C14orf93: variants seen among roughly 807,000 people sequenced by gnomAD.
C14orf93 encodes the protein uncharacterized protein C14orf93.
Under a neutral mutation model 44.0 loss-of-function variants are expected in C14orf93, and 23 were observed. That is an observed-to-expected ratio of 0.52 (90% CI 0.38 to 0.74). C14orf93 has a LOEUF of 0.74. Among genes scored for constraint, C14orf93 ranks in the 30% least tolerant of loss-of-function variants. The pLI, the probability that C14orf93 is intolerant of heterozygous loss-of-function variation, is 0.00. For missense variants in C14orf93, 579 were observed against 678.9 expected, an observed-to-expected ratio of 0.85 and a Z score of 1.64; for synonymous variants, 253 against 265.7, an observed-to-expected ratio of 0.95 and a Z score of 0.46.
rs759429838 is a variant in C14orf93, at chr14:22,987,582, C to T, written c.1250G>A (p.Arg417His). The T allele has an allele frequency of 4.3e-6, 7 of 1,612,382 alleles. No individual in the cohort carries two copies. The highest frequency in any genetic ancestry group is 1.3e-5 in the African/African-American group (1 of 74,902). The change falls in exon 7 of 7, where the codon CGT becomes CAT. Residue 417 changes from arginine to histidine, a missense_variant. Transcript: ENST00000299088. This position sits in a 1 kb window ranked among gnomAD's most constrained non-coding sequence, Gnocchi z 5.6. ...TTCCTCTGTCACATCATTCCACAGA[C>T]GTTGGTCCTCAGGTCCAAAATGCCT... Reference protein sequence around the residue: ...IMRHFGPEDQRLWNDVTEELM... With the variant: ...IMRHFGPEDQHLWNDVTEELM...
chr14:22,999,107 C>T lies in C14orf93; in HGVS notation c.-84G>A. ...GCATCAACTTCTCTGGACTCACTTTCCTTTCTCAATGAGGATGGTCAGAGG... is the reference window on the plus strand; with the variant it reads ...GCATCAACTTCTCTGGACTCACTTTTCTTTCTCAATGAGGATGGTCAGAGG... On this transcript the variant is annotated 5_prime_UTR_variant, in exon 2 of 7. Transcript: ENST00000299088. 1.3e-6 allele frequency: 2 copies of T among 1,516,142 alleles called. No homozygotes were observed. The highest frequency in any genetic ancestry group is 1.8e-6 in the Non-Finnish European group (2 of 1,138,138). 93.9% of individuals were successfully genotyped at this position (1,516,142 alleles called of 1,614,324 possible).
chr14:23,003,898 ATTTTTTTTT>A (rs1170432984), intron 1 of C14orf93, among the ~76,000 whole-genome samples: 21 of 10,362 alleles, frequency 2.0e-3, no homozygotes, highest in East Asian at 7.1e-3. Context: ...ATATATATAT[ATTTTTTTTT>A]TTTTTTTTTT....
intron 1 of C14orf93, among the ~76,000 whole-genome samples, chr14:23,009,373 A>G (rs1231596827): frequency 2.0e-5 from 3 of 152,226 alleles, no homozygotes; most frequent in Non-Finnish European, 4.4e-5. Flanking sequence ...ACATAAAACC[A>G]GATATATTTA....
intron 1 of C14orf93, chr14:23,005,999 T>C (rs1959823751): frequency 1.3e-5 from 2 of 152,230 alleles, no homozygotes; most frequent in African/African-American, 4.8e-5. Flanking sequence ...GTTTTCTCAC[T>C]ATTTAATAGA....
At position 22,998,995 on chromosome 14, in the gene C14orf93, G is replaced by T; in HGVS notation, c.29C>A (p.Ser10Tyr). 6.2e-7 allele frequency: 1 copy of T among 1,612,512 alleles called. No individual in the cohort carries two copies. Among genetic ancestry groups the T allele is most frequent in the Non-Finnish European group, 8.5e-7 (1 of 1,179,814 alleles). Reference sequence around the variant, plus strand: ...TCTGGCCTCGCTGCCACTGGGAGGGGAGAAGAGAATGGTGGCACTGAAGGA... The same window carrying T: ...TCTGGCCTCGCTGCCACTGGGAGGGTAGAAGAGAATGGTGGCACTGAAGGA... MSFSATILFSPPSGSEARCC... is the reference protein window; with the variant it reads MSFSATILFYPPSGSEARCC... The change falls in exon 2 of 7, where the codon TCC (serine) becomes TAC (tyrosine). Residue 10 changes from serine to tyrosine, a missense_variant. Physicochemically the swap from Ser to Tyr is moderately radical, Grantham distance 144. Transcript: ENST00000299088.
At position 22,998,666 on chromosome 14, in the gene C14orf93, G is replaced by A; in HGVS notation, c.358C>T (p.Pro120Ser). ...TTGAGAGGCCCAGGCTCCTCAGGTGGGGAACTATGTGCCCGGCTTTCCCCA... is the reference window on the plus strand; with the variant it reads ...TTGAGAGGCCCAGGCTCCTCAGGTGAGGAACTATGTGCCCGGCTTTCCCCA... ...EDGESRAHSS[P>S]PEEPGPLKES... The change falls in exon 2 of 7, where the codon CCA (proline) becomes TCA (serine). Residue 120 changes from proline (P) to serine (S), a missense_variant. Physicochemically the swap from Pro to Ser is moderately conservative, Grantham distance 74 (BLOSUM62 -1). Transcript: ENST00000299088. 6.2e-7 allele frequency: 1 copy of A among 1,614,140 alleles called. No homozygotes were observed. The highest frequency in any genetic ancestry group is 1.1e-5 in the South Asian group (1 of 91,082).
chr14:23,003,661 C>T (rs1169197058), intron 1 of C14orf93, among the ~76,000 whole-genome samples: 1 of 151,098 alleles, frequency 6.6e-6, no homozygotes, highest in Non-Finnish European at 1.5e-5. Flanking sequence ...AGTAGCCGCG[C>T]ATGCTGGCGC....
In C14orf93 at chr14:23,004,436, G is replaced by C. The variant is rs573140749; in HGVS notation, c.-379-5034C>G. Among the ~76,000 whole-genome samples the C allele has an allele frequency of 7.2e-5, 11 of 152,120 alleles. No homozygotes were observed. The South Asian group carries it at 1.7e-3, about 23-fold the overall frequency. On this transcript the variant is annotated intron_variant, in intron 1 of 6. Transcript: ENST00000299088. ...GCCTCCCAAAGTGCTGAGATTACAG[G>C]TGTGAGCCACTGTGCCCAGGCCCAA... is the stretch of plus-strand genomic sequence containing the variant.
At chr14:22,989,290 G>A (rs975312862) in intron 5 of C14orf93, among the ~76,000 whole-genome samples, 8 of 152,192 alleles carry the variant, frequency 5.3e-5, no homozygotes, top group Admixed American at 2.0e-4. Context: ...ACGTTACCTG[G>A]CTCTACAAGT....
chr14:22,990,565 G>A (rs984752236), intron 3 of C14orf93, among the ~76,000 whole-genome samples: 17 of 151,708 alleles, frequency 1.1e-4, no homozygotes, highest in African/African-American at 3.6e-4. Context: ...TGCCTCCCGG[G>A]TTCAAGCGAT....
chr14:23,003,089 G>A (rs1207346231), intron 1 of C14orf93, among the ~76,000 whole-genome samples: 1 of 152,114 alleles, frequency 6.6e-6, no homozygotes, highest in Admixed American at 6.6e-5. Flanking sequence ...AGTTTTTAAT[G>A]CTAAATGTAT....
intron 5 of C14orf93, among the ~76,000 whole-genome samples, 161 bp downstream of exon 5, chr14:22,989,581 T>C (rs550723611): frequency 7.2e-5 from 11 of 152,334 alleles, no homozygotes; most frequent in African/African-American, 2.6e-4. Flanking sequence ...GATAATTCTA[T>C]GAATATATTG....
intron 3 of C14orf93, among the ~76,000 whole-genome samples, chr14:22,992,183 C>T (rs891310659): frequency 6.6e-6 from 1 of 151,910 alleles, no homozygotes; most frequent in Admixed American, 6.6e-5. Flanking sequence ...AAAGTTTTGC[C>T]GGCTGGGCGT....
chr14:23,006,983 T>A (rs1356028881), intron 1 of C14orf93: 1 of 152,336 alleles, frequency 6.6e-6, no homozygotes, highest in Non-Finnish European at 1.5e-5. Context: ...GAACTTGGGC[T>A]GAAGGCGGCG....
chr14:23,004,957 TACAC>T (rs1448027176), intron 1 of C14orf93: 1 of 152,042 alleles, frequency 6.6e-6, no homozygotes, highest in Admixed American at 6.6e-5. Flanking sequence ...CAAAGTGAAA[TACAC>T]ACAAGTCCTA....
At position 22,999,371 on chromosome 14, in the gene C14orf93, C is replaced by T. The variant is rs1200074396; in HGVS notation, c.-348G>A. 5.1e-6 allele frequency: 1 copy of T among 195,322 alleles called. No individual in the cohort carries two copies. The highest frequency in any genetic ancestry group is 5.5e-5 in the Admixed American group (1 of 18,284). The allele number at this position is 195,322 out of a possible 1,614,324, so 12.1% of individuals were successfully genotyped here. A position where few individuals can be genotyped will look rare whatever the true frequency, so the allele number is the denominator to read the frequency against. On this transcript the variant is annotated 5_prime_UTR_variant, in exon 2 of 7. Coordinates refer to ENST00000299088, the MANE Select transcript of C14orf93 (RefSeq NM_021944.4). ...CCCCCGACTAGTGCAACCTAAGGAA[C>T]AGGGAAGGGATTCAGAAGGACCTTC...
At position 22,987,714 on chromosome 14, in the gene C14orf93, G is replaced by A. The variant is rs573182867; in HGVS notation, c.1198-80C>T. 1 of 1,446,102 alleles carries A rather than the reference G, an allele frequency of 6.9e-7. No homozygotes were observed. The highest frequency in any genetic ancestry group is 1.4e-5 in the South Asian group (1 of 72,528). The allele number at this position is 1,446,102 out of a possible 1,614,324, so 89.6% of individuals were successfully genotyped here. ...TTTGGGGAAAAGGTTTGGTGGGGAA[G>A]GCTGTGTAAAATCTGTGCCTAAGTG... On this transcript the variant is annotated intron_variant, in intron 6 of 6. Transcript: ENST00000299088. This position sits in a 1 kb window ranked among gnomAD's most constrained non-coding sequence, Gnocchi z 5.6.
chr14:23,008,262 T>C (rs1594696899), intron 1 of C14orf93, among the ~76,000 whole-genome samples: 1 of 151,076 alleles, frequency 6.6e-6, no homozygotes, highest in Non-Finnish European at 1.5e-5. Context: ...TGTGGAATAA[T>C]CCACAGTCGA....
chr14:22,999,267 T>G lies in C14orf93; in HGVS notation c.-244A>C. On this transcript the variant is annotated 5_prime_UTR_variant, in exon 2 of 7. It removes the in-frame stop codon of an upstream open reading frame in the 5' UTR. Transcript: ENST00000299088. ...TCTATTTGCAGATCCTGTGCTCTCCTAGCACATCACAAATCAAGGCCTTCC... is the reference window on the plus strand; with the variant it reads ...TCTATTTGCAGATCCTGTGCTCTCCGAGCACATCACAAATCAAGGCCTTCC... The G allele has an allele frequency of 2.2e-6, 1 of 462,108 alleles. No homozygotes were observed. Among genetic ancestry groups the G allele is most frequent in the East Asian group, 3.8e-5 (1 of 26,340 alleles). The allele number at this position is 462,108 out of a possible 1,614,324, so 28.6% of individuals were successfully genotyped here. A position where few individuals can be genotyped will look rare whatever the true frequency, so the allele number is the denominator to read the frequency against.
Sources: gnomAD v4.1 joint callset for allele counts (sites outside exome capture counted in the v4.1 genomes callset) on GRCh38, gnomAD v4.1.1 for gene constraint, Gnocchi (gnomAD v3.1) non-coding constraint, MANE v1.5 for transcripts, NCBI Gene and HGNC (gene_info 2026-07-23, HGNC 2026-07-21) for gene names.